Variants in PDE1A observed in about 807,000 individuals in gnomAD.
PDE1A encodes the protein dual specificity calcium/calmodulin-dependent 3',5'-cyclic nucleotide phosphodiesterase 1A.
PDE1A carries 35 observed loss-of-function variants against 61.7 expected under a neutral mutation model. That is an observed-to-expected ratio of 0.57 (90% CI 0.43 to 0.75). The LOEUF is 0.75. PDE1A is among the 30% of genes least tolerant of loss of function. PDE1A has a pLI of 0.00. For synonymous variants in PDE1A, 232 were observed against 213.2 expected (o/e 1.09, Z -0.77); for missense variants, 597 against 630.6 (o/e 0.95, Z 0.57).
At chr2:182,175,138 C>A (rs1397271246) in intron 13 of PDE1A, among the ~76,000 whole-genome samples, 2 of 152,184 alleles carry the variant, frequency 1.3e-5, no homozygotes, top group Non-Finnish European at 2.9e-5. Flanking sequence ...TTTATCCAGT[C>A]TATCATTGAT....
chr2:182,662,216 G>A, the PDE1A span, among the ~76,000 whole-genome samples: 103,354 of 150,188 alleles, frequency 0.69, 35,842 homozygotes, highest in Middle Eastern at 0.76. Flanking sequence ...ACCATAAAGA[G>A]AAGTTGAAAT....
At chr2:182,359,690 A>G (rs1239496450) in intron 1 of PDE1A, among the ~76,000 whole-genome samples, 1 of 152,086 alleles carries the variant, frequency 6.6e-6, no homozygotes, top group East Asian at 1.9e-4. Flanking sequence ...CCATAGAAAC[A>G]CTTTATGTCA....
At chr2:182,453,671 T>C (rs1195352735) in intron 2 of PDE1A, among the ~76,000 whole-genome samples, 1 of 152,118 alleles carries the variant, frequency 6.6e-6, no homozygotes, top group Non-Finnish European at 1.5e-5. Context: ...AAAAACCACA[T>C]GATTATCTCA....
At chr2:182,529,233 G>A in the PDE1A span, among the ~76,000 whole-genome samples, 3 of 152,182 alleles carry the variant, frequency 2.0e-5, no homozygotes, top group African/African-American at 7.2e-5. Flanking sequence ...CAAAGACCAT[G>A]GGAACCTACC....
intron 2 of PDE1A, among the ~76,000 whole-genome samples, chr2:182,484,067 A>T (rs1687863127): frequency 6.6e-6 from 1 of 151,992 alleles, no homozygotes; most frequent in Admixed American, 6.6e-5. Flanking sequence ...CATAAACAAA[A>T]ATCTGAATAG....
intron 1 of PDE1A, among the ~76,000 whole-genome samples, chr2:182,288,352 C>T (rs1306737621): frequency 6.6e-6 from 1 of 152,120 alleles, no homozygotes; most frequent in East Asian, 1.9e-4. Context: ...ATGCAATTTA[C>T]AAATCACAGT....
chr2:182,146,984 T>C, downstream of PDE1A: 1 of 782,648 alleles, frequency 1.3e-6, no homozygotes, highest in Admixed American at 2.5e-5. Context: ...AATGGTATTC[T>C]GCAAACCATT....
the PDE1A span, among the ~76,000 whole-genome samples, chr2:182,609,095 G>C: frequency 6.6e-6 from 1 of 152,092 alleles, no homozygotes; most frequent in Non-Finnish European, 1.5e-5. Flanking sequence ...ACTCTATCTA[G>C]CTCAAGGTTT....
At chr2:182,418,643 G>A (rs573759375) in intron 1 of PDE1A, among the ~76,000 whole-genome samples, 40 of 152,286 alleles carry the variant, frequency 2.6e-4, no homozygotes, top group South Asian at 1.2e-3. Context: ...CAGAATAATC[G>A]CATTAACTGA....
At chr2:182,441,176 T>C (rs976588569) in intron 2 of PDE1A, among the ~76,000 whole-genome samples, 6 of 152,002 alleles carry the variant, frequency 3.9e-5, no homozygotes, top group African/African-American at 1.4e-4. Context: ...ATGGGACTTA[T>C]TCACTACCCA....
chr2:182,546,250 G>C, the PDE1A span, among the ~76,000 whole-genome samples: 2 of 152,146 alleles, frequency 1.3e-5, no homozygotes, highest in Non-Finnish European at 2.9e-5. Flanking sequence ...CATTCCCATT[G>C]TGCTGTTGCT....
intron 2 of PDE1A, among the ~76,000 whole-genome samples, chr2:182,462,300 A>G (rs1444492917): frequency 6.6e-6 from 1 of 151,842 alleles, no homozygotes; most frequent in Non-Finnish European, 1.5e-5. Flanking sequence ...AACTTAAAGT[A>G]TAATAAAAAA....
chr2:182,361,400 G>T (rs568737922), intron 1 of PDE1A, among the ~76,000 whole-genome samples: 1 of 152,080 alleles, frequency 6.6e-6, no homozygotes, highest in Admixed American at 6.6e-5. Context: ...ACTTGCTTTT[G>T]CTAACATTTT....
At chr2:182,361,257 T>G (rs1699489214) in intron 1 of PDE1A, among the ~76,000 whole-genome samples, 2 of 152,094 alleles carry the variant, frequency 1.3e-5, no homozygotes, top group African/African-American at 4.8e-5. Flanking sequence ...TGAAATAATG[T>G]TAGATATACG....
intron 13 of PDE1A, among the ~76,000 whole-genome samples, chr2:182,172,753 A>G (rs1375290684): frequency 6.6e-6 from 1 of 152,096 alleles, no homozygotes; most frequent in East Asian, 1.9e-4. Flanking sequence ...GAATCTTGGA[A>G]GACAGGATTT....
chr2:182,337,604 G>T (rs1391821258), intron 1 of PDE1A, among the ~76,000 whole-genome samples: 2 of 152,086 alleles, frequency 1.3e-5, no homozygotes, highest in Non-Finnish European at 2.9e-5. Context: ...ACTTTCAGAT[G>T]CCAGAGCACT....
intron 13 of PDE1A, among the ~76,000 whole-genome samples, chr2:182,174,005 G>A (rs1692488438): frequency 6.6e-6 from 1 of 152,022 alleles, no homozygotes; most frequent in Non-Finnish European, 1.5e-5. Context: ...GCCCACTGGT[G>A]AGTACTAATA....
intron 2 of PDE1A, among the ~76,000 whole-genome samples, chr2:182,460,414 C>A (rs1281117122): frequency 6.6e-6 from 1 of 152,114 alleles, no homozygotes; most frequent in Non-Finnish European, 1.5e-5. Context: ...ATATGTAACA[C>A]ATTTTTAAGA....
chr2:182,352,726 G>A (rs1340921353), intron 1 of PDE1A, among the ~76,000 whole-genome samples: 2 of 151,582 alleles, frequency 1.3e-5, no homozygotes, highest in African/African-American at 4.8e-5. Context: ...GACTAAAAGA[G>A]TTGCCTACAG....
Sources: allele counts gnomAD v4.1 joint callset (sites outside exome capture counted in the v4.1 genomes callset), GRCh38; gene constraint gnomAD v4.1.1; transcripts MANE v1.5; gene names NCBI Gene and HGNC (gene_info 2026-07-23, HGNC 2026-07-21).